Variants in ECE2 observed in about 807,000 individuals in gnomAD.
The protein encoded by ECE2 is endothelin-converting enzyme 2.
In ECE2, 81 loss-of-function variants were observed where a neutral mutation model predicts 100.6. The ratio of observed to expected loss-of-function variants is 0.81; its 90% CI spans 0.67 to 0.97. The LOEUF is 0.97. Ranked by LOEUF, ECE2 falls within the 50% of genes least tolerant of loss-of-function variation. The pLI, the probability that ECE2 is intolerant of heterozygous loss-of-function variation, is 0.00. For missense variants in ECE2, 911 were observed against 988.1 expected, an observed-to-expected ratio of 0.92 and a Z score of 1.05; for synonymous variants, 391 against 391.5, an observed-to-expected ratio of 1.00 and a Z score of 0.02.
Position 184,287,819 on chromosome 3 carries a change from C to T in ECE2, c.1264-18C>T. ...GACACAGCCATCTCTAGGGTCCTGG[C>T]TCTTTGTCCTTTAACAGTCCTGTGT... On this transcript the variant is annotated intron_variant, in intron 10 of 18. Transcript: ENST00000404464. The T allele has an allele frequency of 6.2e-7, 1 of 1,611,374 alleles. No individual in the cohort carries two copies. Among genetic ancestry groups the T allele is most frequent in the Non-Finnish European group, 8.5e-7 (1 of 1,177,532 alleles).
chr3:184,281,873 C>A (rs1044387553), intron 7 of ECE2, among the ~76,000 whole-genome samples: 12 of 152,196 alleles, frequency 7.9e-5, no homozygotes, highest in East Asian at 3.9e-4. Flanking sequence ...CTGAGGTGGG[C>A]AGATTACCTG....
intron 1 of ECE2, 85 bp downstream of exon 1, chr3:184,276,277 GCCCGGCT>G (rs1720543745): frequency 7.0e-7 from 1 of 1,426,720 alleles, no homozygotes; most frequent in Admixed American, 2.7e-5. Context: ...GGCAGGCGGT[GCCCGGCT>G]CGCGGAGGTA....
intron 9 of ECE2, 152 bp downstream of exon 9, chr3:184,285,257 G>A (rs954778766): frequency 7.4e-6 from 9 of 1,212,716 alleles, no homozygotes; most frequent in East Asian, 2.4e-5. Flanking sequence ...TTTCCTCTGC[G>A]CTAGGGTTGC....
chr3:184,285,558 A>G lies in ECE2; in HGVS notation c.1229A>G (p.Glu410Gly). 2 of 1,614,142 alleles carry G rather than the reference A, an allele frequency of 1.2e-6. No individual in the cohort carries two copies. The highest frequency in any genetic ancestry group is 8.5e-7 in the Non-Finnish European group (1 of 1,180,008). The stretch of plus-strand genomic sequence containing the variant: ...GACCGACGCTTTGAGTCTGCACAAG[A>G]GAAGCTGCTGGAGACCCTCTATGGC... ...SLDRRFESAQ[E>G]KLLETLYGTK... is the part of the protein sequence containing the mutation. Residue 410 changes from glutamate to glycine, a missense_variant, in exon 10 of 19, where the codon GAG becomes GGG. Coordinates refer to ENST00000404464, the MANE Select transcript of ECE2 (RefSeq NM_001100121.2).
chr3:184,283,921 AGCGGC>A lies in ECE2; in HGVS notation c.957_961del (p.Asp321GlyfsTer23). ...GCCAACATCACAGTGCCCCAGGACC[AGCGGC>A]GCGACGAGGAGAAGATCTACCACAA... On this transcript the variant is annotated frameshift_variant, in exon 8 of 19. Coordinates refer to ENST00000404464, the MANE Select transcript of ECE2 (RefSeq NM_001100121.2). LOFTEE classifies it high-confidence loss of function. 6.2e-7 allele frequency: 1 copy of A among 1,614,074 alleles called. No homozygotes were observed. Among genetic ancestry groups the A allele is most frequent in the Non-Finnish European group, 8.5e-7 (1 of 1,180,030 alleles).
At chr3:184,282,333 G>A (rs752210882) in intron 7 of ECE2, among the ~76,000 whole-genome samples, 14 of 152,096 alleles carry the variant, frequency 9.2e-5, no homozygotes, top group Admixed American at 2.6e-4. Flanking sequence ...GAAATACACA[G>A]AATGAATATT....
At position 184,291,053 on chromosome 3, in the gene ECE2, C is replaced by A; in HGVS notation, c.1848C>A (p.Asp616Glu). 2 of 1,571,062 alleles carry A rather than the reference C, an allele frequency of 1.3e-6. No homozygotes were observed. Among genetic ancestry groups the A allele is most frequent in the South Asian group, 2.3e-5 (2 of 85,152 alleles). The change falls in exon 17 of 19, where the codon GAC becomes GAA. Residue 616 changes from aspartate (D) to glutamate (E), a missense_variant. By Grantham distance (45) the Asp-to-Glu change is conservative. Coordinates refer to ENST00000404464, the MANE Select transcript of ECE2 (RefSeq NM_001100121.2). This position sits in a 1 kb window ranked among gnomAD's most constrained non-coding sequence, Gnocchi z 4.1. ...HAFDDQGREY[D>E]KEGNLRPWWQ... ...AGTTCTCCTCAGGGCGCGAGTATGACAAAGAAGGGAACCTGCGGCCCTGGT... is the reference window on the plus strand; with the variant it reads ...AGTTCTCCTCAGGGCGCGAGTATGAAAAAGAAGGGAACCTGCGGCCCTGGT...
intron 11 of ECE2, 58 bp downstream of exon 11, chr3:184,288,005 G>A: frequency 6.6e-7 from 1 of 1,523,718 alleles, no homozygotes; most frequent in Middle Eastern, 1.7e-4. Context: ...TCATGTATGT[G>A]CAGACATATA....
chr3:184,278,090 G>C, intron 5 of ECE2, 41 bp downstream of exon 5: 1 of 1,613,530 alleles, frequency 6.2e-7, no homozygotes, highest in Non-Finnish European at 8.5e-7. Flanking sequence ...GAGCAGGAGA[G>C]GCCTTGAGAG....
Position 184,290,434 on chromosome 3 carries a change from G to T in ECE2, c.1655+76G>T, listed in dbSNP as rs1229828878. 11 of 1,570,630 alleles carry T rather than the reference G, an allele frequency of 7.0e-6. No homozygotes were observed. The East Asian group carries it at 2.2e-4, about 32-fold the overall frequency. On this transcript the variant is annotated intron_variant, in intron 14 of 18. Transcript: ENST00000404464. ...GGAAGGTTCCTGGGATGGGGGAAAA[G>T]GGTGGCAAGACTGGTCCCAGACCGG...
In ECE2 at chr3:184,289,643, A is replaced by C; in HGVS notation, c.1476A>C (p.Ala492=). 1 of 1,613,670 alleles carries C rather than the reference A, an allele frequency of 6.2e-7. No homozygotes were observed. The highest frequency in any genetic ancestry group is 8.5e-7 in the Non-Finnish European group (1 of 1,179,740). The change falls in exon 13 of 19, where the codon GCA becomes GCC. Residue 492 remains alanine, a splice_region_variant and synonymous_variant. Coordinates refer to ENST00000404464, the MANE Select transcript of ECE2 (RefSeq NM_001100121.2). The surrounding 1 kb of genome is among the most constrained non-coding windows in gnomAD (Gnocchi z 4.1). ...EKTRQAAKEK[A]DAIYDMIGFP... is the part of the protein sequence containing the mutation. ...AACCCTTAACCTGGTCTCTTCAGGC[A>C]GATGCCATCTATGATATGATTGGTT...
Position 184,276,122 on chromosome 3 carries a change from A to T in ECE2, c.-32A>T. 1.5e-6 allele frequency: 2 copies of T among 1,305,960 alleles called. No individual in the cohort carries two copies. The highest frequency in any genetic ancestry group is 1.9e-6 in the Non-Finnish European group (2 of 1,030,474). The allele number at this position is 1,305,960 out of a possible 1,614,324, so 80.9% of individuals were successfully genotyped here. A position where few individuals can be genotyped will look rare whatever the true frequency, so the allele number is the denominator to read the frequency against. On this transcript the variant is annotated 5_prime_UTR_variant, in exon 1 of 19. Coordinates refer to ENST00000404464, the MANE Select transcript of ECE2 (RefSeq NM_001100121.2). ...GCCCGGGAGCGGGCCAGCTGCCGGG[A>T]GCCCTGAATCACCGCCTGGCCCGAC... is the stretch of plus-strand genomic sequence containing the variant.
intron 2 of ECE2, 130 bp downstream of exon 2, chr3:184,276,697 A>G (rs1483385409): frequency 6.5e-7 from 1 of 1,543,588 alleles, no homozygotes; most frequent in Non-Finnish European, 8.7e-7. Flanking sequence ...CCTCTGCTCT[A>G]GGACTATGGT....
chr3:184,277,552 C>T, intron 4 of ECE2, 86 bp downstream of exon 4: 1 of 1,427,994 alleles, frequency 7.0e-7, no homozygotes, highest in Admixed American at 1.9e-5. Context: ...TAGGCAGTGT[C>T]CATGAATGAG....
intron 8 of ECE2, 54 bp from the exon 9 acceptor site, chr3:184,284,909 G>A: frequency 6.3e-7 from 1 of 1,590,872 alleles, no homozygotes; most frequent in Non-Finnish European, 8.5e-7. Context: ...CAGTGGGGGA[G>A]GGTTCTGCTG....
At position 184,276,883 on chromosome 3, in the gene ECE2, G is replaced by A; in HGVS notation, c.127-9G>A. The A allele has an allele frequency of 6.2e-7, 1 of 1,613,884 alleles. No individual in the cohort carries two copies. The highest frequency in any genetic ancestry group is 8.5e-7 in the Non-Finnish European group (1 of 1,179,868). On this transcript the variant is annotated splice_polypyrimidine_tract_variant and intron_variant, in intron 2 of 18. Transcript: ENST00000404464. ...TCTCAGTCACTCTCTGTCCCCCTGT[G>A]TTCCCCAGGTGGGATTCCAGAAGGG...
Position 184,276,118 on chromosome 3 carries a change from C to G in ECE2, c.-36C>G. ...CGCGGCCCGGGAGCGGGCCAGCTGC[C>G]GGGAGCCCTGAATCACCGCCTGGCC... On this transcript the variant is annotated 5_prime_UTR_variant, in exon 1 of 19. Transcript: ENST00000404464. The G allele has an allele frequency of 7.6e-7, 1 of 1,310,154 alleles. No individual in the cohort carries two copies. The highest frequency in any genetic ancestry group is 9.7e-7 in the Non-Finnish European group (1 of 1,032,878). The allele number at this position is 1,310,154 out of a possible 1,614,324, so 81.2% of individuals were successfully genotyped here.
chr3:184,283,695 G>C (rs1197785192), intron 7 of ECE2, 90 bp from the exon 8 acceptor site: 69 of 1,345,450 alleles, frequency 5.1e-5, no homozygotes, highest in Non-Finnish European at 6.4e-5. Flanking sequence ...TCAAGCAGAA[G>C]AGATATTGGG....
At chr3:184,290,162 G>A (rs565440145) in intron 13 of ECE2, 93 bp from the exon 14 acceptor site, 13 of 1,005,876 alleles carry the variant, frequency 1.3e-5, no homozygotes, top group Admixed American at 1.1e-4. Flanking sequence ...GGAAACTGAG[G>A]TTTGGAGAGA....
Sources: allele counts gnomAD v4.1 joint callset (sites outside exome capture counted in the v4.1 genomes callset), GRCh38; gene constraint gnomAD v4.1.1; non-coding constraint Gnocchi (gnomAD v3.1); transcripts MANE v1.5; gene names NCBI Gene and HGNC (gene_info 2026-07-23, HGNC 2026-07-21).